CBFA2T2: variants seen among roughly 807,000 people sequenced by gnomAD.
CBFA2T2 encodes the protein protein CBFA2T2.
CBFA2T2 carries 11 observed loss-of-function variants against 62.2 expected under a neutral mutation model. That is an observed-to-expected ratio of 0.18 (90% CI 0.11 to 0.29). The LOEUF is 0.29. CBFA2T2 is among the 10% of genes least tolerant of loss of function. CBFA2T2 has a pLI of 1.00. For missense variants in CBFA2T2, 592 were observed against 774.1 expected, an observed-to-expected ratio of 0.76 and a Z score of 2.79; for synonymous variants, 295 against 287.5, an observed-to-expected ratio of 1.03 and a Z score of -0.27.
At chr20:33,505,505 C>T (rs965459879) in intron 1 of CBFA2T2, among the ~76,000 whole-genome samples, 22 of 152,044 alleles carry the variant, frequency 1.4e-4, no homozygotes, top group African/African-American at 5.3e-4. Context: ...AGGGGTCGGC[C>T]GGGTGCAGTG....
In CBFA2T2 at chr20:33,490,312, C is replaced by T. The variant is rs763103171; in HGVS notation, c.34+11C>T. The stretch of plus-strand genomic sequence containing the variant: ...CGGCCGCCTTCCAGCGTAAGTGGGG[C>T]GTGAATGCGGGCGGCCGAGGGGGGC... On this transcript the variant is annotated intron_variant, in intron 1 of 10. Transcript: ENST00000342704. 4 of 1,284,334 alleles carry T rather than the reference C, an allele frequency of 3.1e-6. No individual in the cohort carries two copies. Among genetic ancestry groups the T allele is most frequent in the South Asian group, 6.3e-5 (2 of 31,618 alleles). 79.6% of individuals were successfully genotyped at this position (1,284,334 alleles called of 1,614,324 possible). A position where few individuals can be genotyped will look rare whatever the true frequency, so the allele number is the denominator to read the frequency against.
intron 1 of CBFA2T2, among the ~76,000 whole-genome samples, chr20:33,502,131 T>C (rs920782290): frequency 6.6e-6 from 1 of 152,134 alleles, no homozygotes; most frequent in Non-Finnish European, 1.5e-5. Flanking sequence ...TTTTTGTTGT[T>C]GTTTCTGTCA....
At chr20:33,521,823 C>CGT (rs111558647) in intron 1 of CBFA2T2, among the ~76,000 whole-genome samples, 19,899 of 148,392 alleles carry the variant, frequency 0.13, 1,400 homozygotes, top group Middle Eastern at 0.25. Flanking sequence ...ATTTGAGCTG[C>CGT]GTGTGTGTGT....
At chr20:33,619,461 C>A in intron 3 of CBFA2T2, 56 bp from the exon 4 acceptor site, 8 of 859,632 alleles carry the variant, frequency 9.3e-6, no homozygotes, top group South Asian at 1.9e-5. Flanking sequence ...GAGTTTGGCA[C>A]TATAAGTTTT....
At chr20:33,625,931 T>C (rs1319552490) in intron 6 of CBFA2T2, among the ~76,000 whole-genome samples, 2 of 151,910 alleles carry the variant, frequency 1.3e-5, no homozygotes, top group Non-Finnish European at 2.9e-5. Flanking sequence ...TGAAACCCTG[T>C]CTCTACTAAA....
At chr20:33,497,826 G>A (rs1464822554) in intron 1 of CBFA2T2, among the ~76,000 whole-genome samples, 1 of 152,026 alleles carries the variant, frequency 6.6e-6, no homozygotes, top group Non-Finnish European at 1.5e-5. Flanking sequence ...GGGATTACAG[G>A]CGTGAGCCAC....
chr20:33,616,131 A>AGATAGATAGATG (rs1555845596), intron 3 of CBFA2T2, among the ~76,000 whole-genome samples: 157 of 146,848 alleles, frequency 1.1e-3, no homozygotes, highest in Middle Eastern at 3.6e-3. Context: ...ATAGATAGAT[A>AGATAGATAGATG]GATGACAGAG....
At chr20:33,542,449 A>G (rs1179024384) in intron 1 of CBFA2T2, among the ~76,000 whole-genome samples, 1 of 151,678 alleles carries the variant, frequency 6.6e-6, no homozygotes, top group Non-Finnish European at 1.5e-5. Flanking sequence ...ATTTTTTTTT[A>G]TTATAATTTT....
chr20:33,564,225 C>T (rs952590911), intron 1 of CBFA2T2, among the ~76,000 whole-genome samples: 3 of 150,718 alleles, frequency 2.0e-5, no homozygotes, highest in African/African-American at 7.3e-5. Flanking sequence ...ATTTTATAGT[C>T]AGATTTCTTG....
intron 1 of CBFA2T2, among the ~76,000 whole-genome samples, chr20:33,539,094 A>G (rs957202695): frequency 6.6e-6 from 1 of 152,224 alleles, no homozygotes; most frequent in Admixed American, 6.5e-5. Context: ...ATAGTTGGGG[A>G]GAGAGCATCA....
chr20:33,597,579 A>C (rs1447043163), intron 1 of CBFA2T2, among the ~76,000 whole-genome samples: 1 of 152,164 alleles, frequency 6.6e-6, no homozygotes, highest in Non-Finnish European at 1.5e-5. Context: ...CCTGTTGTTA[A>C]CTGGACATGT....
At chr20:33,506,645 G>C (rs1327522580) in intron 1 of CBFA2T2, among the ~76,000 whole-genome samples, 1 of 152,204 alleles carries the variant, frequency 6.6e-6, no homozygotes, top group Non-Finnish European at 1.5e-5. Flanking sequence ...AGTTTAGATA[G>C]TGATTAACCA....
In CBFA2T2 at chr20:33,644,566, G is replaced by GC; in HGVS notation, c.1711dup (p.Leu571ProfsTer34). 1 of 1,613,694 alleles carries GC rather than the reference G, an allele frequency of 6.2e-7. No homozygotes were observed. Among genetic ancestry groups the GC allele is most frequent in the Non-Finnish European group, 8.5e-7 (1 of 1,179,662 alleles). On this transcript the variant is annotated frameshift_variant, in exon 11 of 11. Coordinates refer to ENST00000342704, the MANE Select transcript of CBFA2T2 (RefSeq NM_001032999.3). LOFTEE classifies it high-confidence loss of function. ...CGCCGACTGCAGCGTGCCCAGCCCA[G>GC]CCCTCGACAAGACCTCGGCAACCAC...
chr20:33,497,674 C>T (rs1410424570), intron 1 of CBFA2T2, among the ~76,000 whole-genome samples: 2 of 151,660 alleles, frequency 1.3e-5, no homozygotes, highest in African/African-American at 4.8e-5. Flanking sequence ...CTCCGCCTCC[C>T]GAGTAGCAGG....
chr20:33,527,234 C>G (rs1448477529), intron 1 of CBFA2T2, among the ~76,000 whole-genome samples: 2 of 152,124 alleles, frequency 1.3e-5, no homozygotes, highest in Non-Finnish European at 2.9e-5. Flanking sequence ...TGGAGTCTCA[C>G]TACATCACCC....
At position 33,578,882 on chromosome 20, in the gene CBFA2T2, A is replaced by T. The variant is rs562067164; in HGVS notation, c.35-28074A>T. 3.9e-4 allele frequency among the ~76,000 whole-genome samples: 60 copies of T among 152,220 alleles called. No homozygotes were observed. The Middle Eastern group carries it at 0.01, about 26-fold the overall frequency. On this transcript the variant is annotated intron_variant, in intron 1 of 10. Coordinates refer to ENST00000342704, the MANE Select transcript of CBFA2T2 (RefSeq NM_001032999.3). ...CTGGCTCTACACAGTCTTTAAAAAGACCCTTTCATAAGCTATTGTACAAAG... is the reference window on the plus strand; with the variant it reads ...CTGGCTCTACACAGTCTTTAAAAAGTCCCTTTCATAAGCTATTGTACAAAG...
chr20:33,509,226 G>A (rs923830363), intron 1 of CBFA2T2, among the ~76,000 whole-genome samples: 2 of 151,904 alleles, frequency 1.3e-5, no homozygotes, highest in African/African-American at 2.4e-5. Context: ...AATTATCTGG[G>A]TGTGGTGGCA....
In CBFA2T2 at chr20:33,646,329, G is replaced by A. The variant is rs773788310; in HGVS notation, c.*1683G>A. ...TTTTTGGTTTTGATGGGAGTCTGAGGACCCCGACCCCTCCTGCTCTCCATC... is the reference window on the plus strand; with the variant it reads ...TTTTTGGTTTTGATGGGAGTCTGAGAACCCCGACCCCTCCTGCTCTCCATC... On this transcript the variant is annotated 3_prime_UTR_variant, in exon 11 of 11. Coordinates refer to ENST00000342704, the MANE Select transcript of CBFA2T2 (RefSeq NM_001032999.3). 6.6e-6 allele frequency: 1 copy of A among 152,114 alleles called. No homozygotes were observed. Among genetic ancestry groups the A allele is most frequent in the East Asian group, 1.9e-4 (1 of 5,190 alleles). The allele number at this position is 152,114 out of a possible 1,614,324, so 9.4% of individuals were successfully genotyped here. A position where few individuals can be genotyped will look rare whatever the true frequency, so the allele number is the denominator to read the frequency against.
chr20:33,574,989 T>C (rs2146906962), intron 1 of CBFA2T2, among the ~76,000 whole-genome samples: 1 of 152,388 alleles, frequency 6.6e-6, no homozygotes, highest in South Asian at 2.1e-4. Context: ...GCTTTGGTAC[T>C]GTATGTATTG....
Sources: allele counts gnomAD v4.1 joint callset (sites outside exome capture counted in the v4.1 genomes callset), GRCh38; gene constraint gnomAD v4.1.1; transcripts MANE v1.5; gene names NCBI Gene and HGNC (gene_info 2026-07-23, HGNC 2026-07-21).